KCNN3: variants seen among roughly 807,000 people sequenced by gnomAD.
KCNN3 encodes the protein potassium calcium-activated channel subfamily N member 3.
A neutral mutation model predicts 62.9 loss-of-function variants in KCNN3; 16 were observed. That is an observed-to-expected ratio of 0.25 (90% CI 0.17 to 0.39). The LOEUF is 0.39. Ranked by LOEUF, KCNN3 falls within the 10% of genes least tolerant of loss-of-function variation. The pLI is 1.00. For synonymous variants in KCNN3, 370 were observed against 389.2 expected (o/e 0.95, Z 0.58); for missense variants, 599 against 949.4 (o/e 0.63, Z 4.85).
rs367671708 is a variant in KCNN3, at chr1:154,796,438, GTA to G, written c.1030-24047_1030-24046del. 4.6e-3 allele frequency among the ~76,000 whole-genome samples: 703 copies of G among 152,080 alleles called. 3 individuals carry two copies. The highest frequency in any genetic ancestry group is 0.015 in the African/African-American group (610 of 41,508). ...GGCAGAGCTGGCATTCCACGTCTCT[GTA>G]TTTCCCATTGGTGCCAAACATACAC... On this transcript the variant is annotated intron_variant, in intron 2 of 7. Transcript: ENST00000271915.
intron 6 of KCNN3, among the ~76,000 whole-genome samples, chr1:154,714,516 T>A (rs1700181368): frequency 4.8e-5 from 6 of 124,230 alleles, no homozygotes; most frequent in Admixed American, 9.3e-5. Flanking sequence ...GGTGTGTGTG[T>A]GTGGTGTTTG....
At chr1:154,752,126 AGAGAT>A (rs1373767260) in intron 3 of KCNN3, among the ~76,000 whole-genome samples, 1 of 152,176 alleles carries the variant, frequency 6.6e-6, no homozygotes, top group African/African-American at 2.4e-5. Context: ...TGTCATGAGT[AGAGAT>A]GAGGCTGTTG....
chr1:154,793,400 G>T (rs184672998), intron 2 of KCNN3, among the ~76,000 whole-genome samples: 101 of 152,224 alleles, frequency 6.6e-4, no homozygotes, highest in African/African-American at 2.3e-3. Context: ...AAGCAAATGG[G>T]GTGATGGGGA....
At chr1:154,768,372 G>A (rs1648391484) in intron 3 of KCNN3, among the ~76,000 whole-genome samples, 1 of 152,244 alleles carries the variant, frequency 6.6e-6, no homozygotes, top group Non-Finnish European at 1.5e-5. Flanking sequence ...TAAGAGAAGT[G>A]CTTTGCCTGT....
chr1:154,731,744 G>A (rs950501266), intron 4 of KCNN3, among the ~76,000 whole-genome samples: 6 of 152,084 alleles, frequency 3.9e-5, no homozygotes, highest in Non-Finnish European at 5.9e-5. Context: ...GGCTGTGGAC[G>A]GGGGGCTGTC....
chr1:154,730,979 G>A lies in KCNN3; in HGVS notation c.1590+2024C>T, dbSNP rs139441882. ...GTGCCAGAGTAGAGCCAGGAGATGC[G>A]GAGTCCAGGAACCAGGAAGCCAGGT... On this transcript the variant is annotated intron_variant, in intron 4 of 7. Coordinates refer to ENST00000271915, the MANE Select transcript of KCNN3 (RefSeq NM_002249.6). Among the ~76,000 whole-genome samples, 458 of 152,254 alleles carry A rather than the reference G, an allele frequency of 3.0e-3. 1 individual carries two copies. Among genetic ancestry groups the A allele is most frequent in the South Asian group, 7.1e-3 (34 of 4,818 alleles).
chr1:154,714,272 G>GGTGTGTGGGGT (rs1700161374), intron 6 of KCNN3, among the ~76,000 whole-genome samples: 2 of 51,354 alleles, frequency 3.9e-5, no homozygotes, highest in East Asian at 7.1e-4. Flanking sequence ...TGTGGTATGT[G>GGTGTGTGGGGT]GTGTGTGTGG....
intron 2 of KCNN3, among the ~76,000 whole-genome samples, chr1:154,812,134 C>A (rs1224924738): frequency 6.6e-6 from 1 of 152,228 alleles, no homozygotes; most frequent in Non-Finnish European, 1.5e-5. Flanking sequence ...TGATTGAGAA[C>A]CGCTGCCACG....
intron 1 of KCNN3, among the ~76,000 whole-genome samples, chr1:154,847,545 T>C (rs965232024): frequency 4.1e-4 from 62 of 152,342 alleles, no homozygotes; most frequent in African/African-American, 1.5e-3. Context: ...GACTCTGAGA[T>C]AGATATTATA....
intron 3 of KCNN3, among the ~76,000 whole-genome samples, chr1:154,749,402 C>G (rs1647246524): frequency 1.3e-5 from 2 of 152,346 alleles, no homozygotes; most frequent in South Asian, 2.1e-4. Flanking sequence ...AAAGCTGCAG[C>G]CTCACCTAGG....
At chr1:154,848,297 AG>A (rs1454859078) in intron 1 of KCNN3, among the ~76,000 whole-genome samples, 2 of 152,186 alleles carry the variant, frequency 1.3e-5, no homozygotes, top group African/African-American at 4.8e-5. Context: ...GGATGGAGAA[AG>A]GTGAAGCCTG....
chr1:154,847,475 C>T (rs1300044655), intron 1 of KCNN3, among the ~76,000 whole-genome samples: 1 of 152,212 alleles, frequency 6.6e-6, no homozygotes, highest in Non-Finnish European at 1.5e-5. Flanking sequence ...TGACCCAAGA[C>T]CCCGCTCTCC....
In KCNN3 at chr1:154,809,228, G is replaced by T. The variant is rs901074153; in HGVS notation, c.1029+12861C>A. Among the ~76,000 whole-genome samples, 1 of 152,152 alleles carries T rather than the reference G, an allele frequency of 6.6e-6. No homozygotes were observed. The highest frequency in any genetic ancestry group is 6.5e-5 in the Admixed American group (1 of 15,274). Reference sequence around the variant, plus strand: ...TTCACAGACTCAACACTCAGCCCCAGCAGCCAAGCCCCAGCACCAGCAGCC... The same window carrying T: ...TTCACAGACTCAACACTCAGCCCCATCAGCCAAGCCCCAGCACCAGCAGCC... On this transcript the variant is annotated intron_variant, in intron 2 of 7. Transcript: ENST00000271915. This position sits in a 1 kb window ranked among gnomAD's most constrained non-coding sequence, Gnocchi z 4.3.
At chr1:154,861,460 C>A (rs1468906396) in intron 1 of KCNN3, among the ~76,000 whole-genome samples, 1 of 152,152 alleles carries the variant, frequency 6.6e-6, no homozygotes, top group Non-Finnish European at 1.5e-5. Context: ...TCCCTACATG[C>A]CCCTGTGTGC....
At chr1:154,797,475 C>T (rs1465880390) in intron 2 of KCNN3, among the ~76,000 whole-genome samples, 1 of 152,168 alleles carries the variant, frequency 6.6e-6, no homozygotes, top group Non-Finnish European at 1.5e-5. Flanking sequence ...TCAGAGGTCG[C>T]CCTTGAAGCT....
intron 1 of KCNN3, among the ~76,000 whole-genome samples, chr1:154,860,752 G>C (rs923877389): frequency 6.6e-6 from 1 of 152,196 alleles, no homozygotes; most frequent in African/African-American, 2.4e-5. Context: ...TGCCCCTCCT[G>C]TCTTGATGCT....
chr1:154,827,114 G>A (rs1571315405), intron 1 of KCNN3, among the ~76,000 whole-genome samples: 1 of 152,194 alleles, frequency 6.6e-6, no homozygotes, highest in African/African-American at 2.4e-5. Flanking sequence ...ACTATGTTTT[G>A]TGCATTCAAT....
chr1:154,732,091 T>G (rs1700606148), intron 4 of KCNN3, among the ~76,000 whole-genome samples: 1 of 152,202 alleles, frequency 6.6e-6, no homozygotes, highest in Admixed American at 6.5e-5. Context: ...CACTTTAACA[T>G]AAATCATTGC....
intron 3 of KCNN3, among the ~76,000 whole-genome samples, chr1:154,747,874 C>T (rs1322267874): frequency 6.6e-6 from 1 of 152,232 alleles, no homozygotes; most frequent in Non-Finnish European, 1.5e-5. Flanking sequence ...TGCTCCCCCA[C>T]CTCCGAGCTT....
Sources: allele counts gnomAD v4.1 joint callset (sites outside exome capture counted in the v4.1 genomes callset), GRCh38; gene constraint gnomAD v4.1.1; non-coding constraint Gnocchi (gnomAD v3.1); transcripts MANE v1.5; gene names NCBI Gene and HGNC (gene_info 2026-07-23, HGNC 2026-07-21).